AGFG1: variants seen among roughly 807,000 people sequenced by gnomAD.
AGFG1 encodes ArfGAP with FG repeats 1.
Under a neutral mutation model 60.6 loss-of-function variants are expected in AGFG1, and 10 were observed. The ratio of observed to expected loss-of-function variants is 0.16; its 90% CI spans 0.10 to 0.28. The LOEUF is 0.28. Among genes scored for constraint, AGFG1 ranks in the 10% least tolerant of loss-of-function variants. AGFG1 has a pLI of 1.00. For missense variants in AGFG1, 537 were observed against 676.5 expected, an observed-to-expected ratio of 0.79 and a Z score of 2.29; for synonymous variants, 247 against 242.9, an observed-to-expected ratio of 1.02 and a Z score of -0.16.
rs553384337 is a variant in AGFG1, at chr2:227,524,935, A to G, written c.694+20A>G. 2.2e-5 allele frequency: 36 copies of G among 1,613,046 alleles called. No homozygotes were observed. The highest frequency in any genetic ancestry group is 1.7e-4 in the Middle Eastern group (1 of 6,058). On this transcript the variant is annotated intron_variant, in intron 5 of 12. Coordinates refer to ENST00000310078, the MANE Select transcript of AGFG1 (RefSeq NM_004504.5). Reference sequence around the variant, plus strand: ...ATGCAGGTAAGTGTTTTTTCCCAACAGCTTTTGCTGGGGATGCATATAAAA... The same window carrying G: ...ATGCAGGTAAGTGTTTTTTCCCAACGGCTTTTGCTGGGGATGCATATAAAA...
Position 227,554,598 on chromosome 2 carries a change from A to T in AGFG1, c.*103A>T. The T allele has an allele frequency of 1.0e-6, 1 of 1,002,352 alleles. No individual in the cohort carries two copies. Among genetic ancestry groups the T allele is most frequent in the Non-Finnish European group, 1.5e-6 (1 of 680,308 alleles). 62.1% of individuals were successfully genotyped at this position (1,002,352 alleles called of 1,614,324 possible). A position where few individuals can be genotyped will look rare whatever the true frequency, so the allele number is the denominator to read the frequency against. Reference sequence around the variant, plus strand: ...TTTCACTGATCTTAGCTTTAAACACAAGAGAAGTCTTTAAAAAGCCTGCAT... The same window carrying T: ...TTTCACTGATCTTAGCTTTAAACACTAGAGAAGTCTTTAAAAAGCCTGCAT... On this transcript the variant is annotated 3_prime_UTR_variant, in exon 13 of 13. Coordinates refer to ENST00000310078, the MANE Select transcript of AGFG1 (RefSeq NM_004504.5).
chr2:227,536,514 A>G (rs1692318158), intron 8 of AGFG1, 111 bp from the exon 9 acceptor site: 1 of 769,244 alleles, frequency 1.3e-6, no homozygotes, highest in Admixed American at 2.3e-5. Context: ...CTTTGTGTTG[A>G]TACTGATGCT....
intron 2 of AGFG1, among the ~76,000 whole-genome samples, chr2:227,496,587 G>A (rs1037232216): frequency 2.0e-5 from 3 of 152,184 alleles, no homozygotes; most frequent in South Asian, 2.1e-4. Context: ...GTCTTGTGCT[G>A]AAAGCTCAGA....
chr2:227,500,122 C>T (rs1691109311), intron 2 of AGFG1, among the ~76,000 whole-genome samples: 1 of 149,536 alleles, frequency 6.7e-6, no homozygotes, highest in South Asian at 2.1e-4. Flanking sequence ...AACAAACAGG[C>T]CCTCCAGCCT....
intron 10 of AGFG1, among the ~76,000 whole-genome samples, chr2:227,541,212 G>T (rs780769214): frequency 6.6e-6 from 1 of 152,142 alleles, no homozygotes; most frequent in African/African-American, 2.4e-5. Flanking sequence ...GATCTCATTT[G>T]TCTATTTTGG....
rs1019901077 is a variant in AGFG1, at chr2:227,520,117, A to G, written c.377+54A>G. The G allele has an allele frequency of 1.0e-5, 11 of 1,078,100 alleles. No individual in the cohort carries two copies. In the East Asian group the frequency reaches 1.0e-4, roughly 10 times the overall value. 66.8% of individuals were successfully genotyped at this position (1,078,100 alleles called of 1,614,324 possible). A position where few individuals can be genotyped will look rare whatever the true frequency, so the allele number is the denominator to read the frequency against. ...AGCCTCCCCAAATCACATATTAACT[A>G]TGGGTAAGGTTAGTCTGACACAATG... On this transcript the variant is annotated intron_variant, in intron 3 of 12. Coordinates refer to ENST00000310078, the MANE Select transcript of AGFG1 (RefSeq NM_004504.5).
rs1478423544 is a variant in AGFG1, at chr2:227,478,827, T to A, written c.167+6239T>A. On this transcript the variant is annotated intron_variant, in intron 1 of 12. Transcript: ENST00000310078. ...CTGAATTCTTCTAGATTTTTATGATTTTTCTCTCAGTCTTTTACAGTTCTT... is the reference window on the plus strand; with the variant it reads ...CTGAATTCTTCTAGATTTTTATGATATTTCTCTCAGTCTTTTACAGTTCTT... Among the ~76,000 whole-genome samples, 3 of 152,176 alleles carry A rather than the reference T, an allele frequency of 2.0e-5. No individual in the cohort carries two copies. In the East Asian group the frequency reaches 5.8e-4, roughly 29 times the overall value.
At chr2:227,552,833 C>T (rs940720577) in intron 11 of AGFG1, among the ~76,000 whole-genome samples, 2 of 151,510 alleles carry the variant, frequency 1.3e-5, no homozygotes, top group Non-Finnish European at 2.9e-5. Context: ...GAAACCCCGT[C>T]TCTACTAAAA....
At chr2:227,542,633 G>T (rs1692525042) in intron 10 of AGFG1, among the ~76,000 whole-genome samples, 1 of 152,010 alleles carries the variant, frequency 6.6e-6, no homozygotes, top group Admixed American at 6.6e-5. Context: ...TTTTTGTTGT[G>T]CCTTTGCCAG....
At chr2:227,516,214 A>AC (rs1691646124) in intron 2 of AGFG1, among the ~76,000 whole-genome samples, 1 of 152,202 alleles carries the variant, frequency 6.6e-6, no homozygotes, top group Non-Finnish European at 1.5e-5. Context: ...GGACTTGATA[A>AC]AACAGATTGC....
intron 2 of AGFG1, among the ~76,000 whole-genome samples, chr2:227,498,120 T>C (rs1022877229): frequency 1.3e-5 from 2 of 152,272 alleles, no homozygotes; most frequent in Non-Finnish European, 2.9e-5. Flanking sequence ...TGTAAGATCA[T>C]GGTTTTATTT....
At chr2:227,550,588 T>C (rs959269416) in intron 10 of AGFG1, among the ~76,000 whole-genome samples, 4 of 152,214 alleles carry the variant, frequency 2.6e-5, no homozygotes, top group Admixed American at 1.3e-4. Context: ...TATTCTTTAA[T>C]TCACCTGCTT....
intron 2 of AGFG1, among the ~76,000 whole-genome samples, chr2:227,518,755 ACCTCAGGTGATCCG>A (rs1245672073): frequency 6.6e-6 from 1 of 151,764 alleles, no homozygotes; most frequent in Non-Finnish European, 1.5e-5. Context: ...CGAACTCCTG[ACCTCAGGTGATCCG>A]CCTGCACCCG....
chr2:227,553,932 G>A (rs1692896380), intron 12 of AGFG1, 137 bp downstream of exon 12: 2 of 622,504 alleles, frequency 3.2e-6, no homozygotes, highest in African/African-American at 3.7e-5. Context: ...TGTACAAATT[G>A]ACACAGAGCC....
At chr2:227,552,792 G>A (rs1453591365) in intron 11 of AGFG1, among the ~76,000 whole-genome samples, 1 of 150,174 alleles carries the variant, frequency 6.7e-6, no homozygotes, top group Non-Finnish European at 1.5e-5. Flanking sequence ...ATCTGAGCTC[G>A]GGAGTTCAGG....
intron 2 of AGFG1, 39 bp downstream of exon 2, chr2:227,491,679 T>G: frequency 7.8e-7 from 1 of 1,283,720 alleles, no homozygotes; most frequent in Non-Finnish European, 1.1e-6. Flanking sequence ...TTTTGACTTT[T>G]TTGTTGGCAG....
chr2:227,541,368 T>C (rs565343129), intron 10 of AGFG1, among the ~76,000 whole-genome samples: 28 of 152,256 alleles, frequency 1.8e-4, no homozygotes, highest in Non-Finnish European at 3.7e-4. Context: ...AATTAATTTT[T>C]GTACAAGGTG....
intron 6 of AGFG1, among the ~76,000 whole-genome samples, chr2:227,531,962 A>T (rs1201431556): frequency 2.0e-5 from 3 of 151,814 alleles, no homozygotes; most frequent in Admixed American, 6.6e-5. Context: ...AACATTGAAT[A>T]CTCTTTCCAT....
intron 2 of AGFG1, among the ~76,000 whole-genome samples, chr2:227,517,325 G>A (rs1691683008): frequency 6.6e-6 from 1 of 152,186 alleles, no homozygotes; most frequent in Admixed American, 6.5e-5. Flanking sequence ...GAGTGCAGTG[G>A]CGCAATCTCG....
Sources: allele counts gnomAD v4.1 joint callset (sites outside exome capture counted in the v4.1 genomes callset), GRCh38; gene constraint gnomAD v4.1.1; transcripts MANE v1.5; gene names NCBI Gene and HGNC (gene_info 2026-07-23, HGNC 2026-07-21).